SEMA3C: variants seen among roughly 807,000 people sequenced by gnomAD.
SEMA3C encodes the protein semaphorin-3C.
SEMA3C carries 47 observed loss-of-function variants against 89.4 expected under a neutral mutation model. That is an observed-to-expected ratio of 0.53 (90% confidence interval 0.42 to 0.67). The LOEUF is 0.67. Among genes scored for constraint, SEMA3C ranks in the 30% least tolerant of loss-of-function variants. The pLI is 0.00. For missense variants in SEMA3C, 839 were observed against 929.1 expected, an observed-to-expected ratio of 0.90 and a Z score of 1.26; for synonymous variants, 310 against 320.2, an observed-to-expected ratio of 0.97 and a Z score of 0.34.
intron 2 of SEMA3C, among the ~76,000 whole-genome samples, chr7:80,911,166 A>G (rs2116238006): frequency 6.6e-6 from 1 of 152,316 alleles, no homozygotes; most frequent in African/African-American, 2.4e-5. Flanking sequence ...GCAATGTAAA[A>G]TTCTAGCATG....
chr7:80,894,205 AAGTAG>A (rs1791680466), intron 2 of SEMA3C, among the ~76,000 whole-genome samples: 1 of 152,202 alleles, frequency 6.6e-6, no homozygotes, highest in Admixed American at 6.5e-5. Flanking sequence ...GTGCATAAGA[AAGTAG>A]AGTATACCAT....
At chr7:80,907,970 A>G (rs1477705919) in intron 2 of SEMA3C, among the ~76,000 whole-genome samples, 1 of 152,086 alleles carries the variant, frequency 6.6e-6, no homozygotes, top group African/African-American at 2.4e-5. Context: ...TAGTTTGTTT[A>G]CACATGGACT....
rs535354034 is a variant in SEMA3C, at chr7:80,758,240, A to G, written c.1643+91T>C. On this transcript the variant is annotated intron_variant, in intron 15 of 17. Transcript: ENST00000265361. ...TCTACCTTTAATGTCATTTAAGGAAACAGCAATAGAACTAATTCTAAAGAT... is the reference window on the plus strand; with the variant it reads ...TCTACCTTTAATGTCATTTAAGGAAGCAGCAATAGAACTAATTCTAAAGAT... 17 of 1,369,882 alleles carry G rather than the reference A, an allele frequency of 1.2e-5. 1 individual carries two copies. The highest frequency in any genetic ancestry group is 6.8e-5 in the Admixed American group (3 of 44,208). 84.9% of individuals were successfully genotyped at this position (1,369,882 alleles called of 1,614,324 possible).
At chr7:80,822,132 A>T (rs1789763483) in intron 4 of SEMA3C, among the ~76,000 whole-genome samples, 2 of 152,210 alleles carry the variant, frequency 1.3e-5, no homozygotes, top group African/African-American at 2.4e-5. Flanking sequence ...TACATATGGT[A>T]CTAGCAACAG....
intron 10 of SEMA3C, 87 bp downstream of exon 10, chr7:80,800,670 T>C (rs1012303745): frequency 6.0e-6 from 5 of 830,344 alleles, no homozygotes; most frequent in Non-Finnish European, 7.7e-6. Flanking sequence ...AAATTAAAAG[T>C]TGCAGAGAAG....
intron 12 of SEMA3C, among the ~76,000 whole-genome samples, chr7:80,768,443 G>A (rs1018486209): frequency 6.6e-6 from 1 of 152,016 alleles, no homozygotes; most frequent in Admixed American, 6.6e-5. Flanking sequence ...GAACCTGGGA[G>A]GCGGAGCTTG....
At chr7:80,843,411 C>A (rs1790315872) in intron 2 of SEMA3C, among the ~76,000 whole-genome samples, 1 of 152,042 alleles carries the variant, frequency 6.6e-6, no homozygotes, top group Non-Finnish European at 1.5e-5. Context: ...TTTCCTGGAA[C>A]AAAGTCTGGC....
intron 2 of SEMA3C, among the ~76,000 whole-genome samples, chr7:80,836,850 T>A (rs754632572): frequency 2.0e-5 from 3 of 152,108 alleles, no homozygotes; most frequent in Non-Finnish European, 4.4e-5. Flanking sequence ...TGTGCCCATT[T>A]CCCCAGCATA....
chr7:80,854,153 T>C (rs1219286331), intron 2 of SEMA3C, among the ~76,000 whole-genome samples: 1 of 152,190 alleles, frequency 6.6e-6, no homozygotes, highest in East Asian at 1.9e-4. Context: ...TTAGGTAAGG[T>C]TATTGATAAA....
intron 11 of SEMA3C, chr7:80,796,747 C>A (rs1159310709): frequency 6.6e-6 from 1 of 152,110 alleles, no homozygotes; most frequent in African/African-American, 2.4e-5. Context: ...AAGCAATTCT[C>A]ATAATTTTTC....
intron 2 of SEMA3C, among the ~76,000 whole-genome samples, chr7:80,853,337 T>G (rs746887170): frequency 6.6e-6 from 1 of 152,192 alleles, no homozygotes; most frequent in East Asian, 1.9e-4. Context: ...AGCAGCATTA[T>G]TCACATCAGC....
In SEMA3C at chr7:80,802,785, A is replaced by G. The variant is rs1273856275; in HGVS notation, c.802-6T>C. The G allele has an allele frequency of 6.2e-7, 1 of 1,600,022 alleles. No individual in the cohort carries two copies. The highest frequency in any genetic ancestry group is 1.3e-5 in the African/African-American group (1 of 74,728). On this transcript the variant is annotated splice_polypyrimidine_tract_variant and splice_region_variant and intron_variant, in intron 8 of 17. Coordinates refer to ENST00000265361, the MANE Select transcript of SEMA3C (RefSeq NM_006379.5). The stretch of plus-strand genomic sequence containing the variant: ...CGCAGTCCACCAGTGTCATTCTAAA[A>G]CCATTTTGTAAACATAATTCAGATT...
In SEMA3C at chr7:80,748,833, G is replaced by A. The variant is rs1461340116; in HGVS notation, c.1842+65C>T. The A allele has an allele frequency of 2.2e-5, 32 of 1,474,534 alleles. No homozygotes were observed. The East Asian group carries it at 5.0e-4, about 23-fold the overall frequency. The allele number at this position is 1,474,534 out of a possible 1,614,324, so 91.3% of individuals were successfully genotyped here. On this transcript the variant is annotated intron_variant, in intron 17 of 17. Coordinates refer to ENST00000265361, the MANE Select transcript of SEMA3C (RefSeq NM_006379.5). ...TTTTTCCTTTGATCTGAGCCTCGCTGAGGGACAGTGATTTAATGTTCTCTC... is the reference window on the plus strand; with the variant it reads ...TTTTTCCTTTGATCTGAGCCTCGCTAAGGGACAGTGATTTAATGTTCTCTC...
At chr7:80,843,418 T>C (rs1790316684) in intron 2 of SEMA3C, among the ~76,000 whole-genome samples, 2 of 152,306 alleles carry the variant, frequency 1.3e-5, no homozygotes, top group African/African-American at 4.8e-5. Context: ...GAACAAAGTC[T>C]GGCTTTTGAA....
At chr7:80,882,503 A>G (rs1791370292) in intron 2 of SEMA3C, among the ~76,000 whole-genome samples, 1 of 149,356 alleles carries the variant, frequency 6.7e-6, no homozygotes, top group Non-Finnish European at 1.5e-5. Flanking sequence ...GACTGTATGA[A>G]AAAAAGCTAC....
chr7:80,860,751 G>A (rs543884220), intron 2 of SEMA3C, among the ~76,000 whole-genome samples: 6 of 152,248 alleles, frequency 3.9e-5, no homozygotes, highest in East Asian at 1.9e-4. Context: ...CATGAACAGC[G>A]AAGACGAGGC....
chr7:80,759,907 T>C (rs1193088404), intron 14 of SEMA3C, among the ~76,000 whole-genome samples: 1 of 152,194 alleles, frequency 6.6e-6, no homozygotes, highest in East Asian at 1.9e-4. Context: ...TTTATCAGCT[T>C]CATTAAAATA....
chr7:80,872,300 A>C (rs182134488), intron 2 of SEMA3C, among the ~76,000 whole-genome samples: 1 of 151,594 alleles, frequency 6.6e-6, no homozygotes, highest in Non-Finnish European at 1.5e-5. Flanking sequence ...ACAGGCACGC[A>C]CCACCGTGTC....
At chr7:80,913,078 A>G (rs1029486320) in intron 2 of SEMA3C, among the ~76,000 whole-genome samples, 2 of 152,156 alleles carry the variant, frequency 1.3e-5, no homozygotes, top group African/African-American at 4.8e-5. Context: ...TTCAGCACAC[A>G]CAAAAGGGAA....
Sources: gnomAD v4.1 joint callset for allele counts (sites outside exome capture counted in the v4.1 genomes callset) on GRCh38, gnomAD v4.1.1 for gene constraint, MANE v1.5 for transcripts, NCBI Gene and HGNC (gene_info 2026-07-23, HGNC 2026-07-21) for gene names.